PUM2: variants seen among roughly 807,000 people sequenced by gnomAD.
PUM2 encodes the protein pumilio homolog 2.
A neutral mutation model predicts 124.5 loss-of-function variants in PUM2; 57 were observed. That is an observed-to-expected ratio of 0.46 (90% CI 0.37 to 0.57). The LOEUF (loss-of-function observed/expected upper bound fraction) is 0.57. Ranked by LOEUF, PUM2 falls within the 20% of genes least tolerant of loss-of-function variation. The probability of loss-of-function intolerance (pLI) is 0.00; values close to 1 mark genes in which losing one functional copy is unlikely to be tolerated. For missense variants in PUM2, 1,065 were observed against 1,290.6 expected, an observed-to-expected ratio of 0.83 and a Z score of 2.68; for synonymous variants, 460 against 446.1, an observed-to-expected ratio of 1.03 and a Z score of -0.39.
intron 7 of PUM2, 83 bp downstream of exon 7, chr2:20,307,895 C>T (rs1678714504): frequency 6.6e-7 from 1 of 1,516,854 alleles, no homozygotes; most frequent in Non-Finnish European, 8.9e-7. Flanking sequence ...GTAACAAAAC[C>T]TCACCAATCA....
chr2:20,310,526 A>G lies in PUM2; in HGVS notation c.518+968T>C, dbSNP rs549730595. Among the ~76,000 whole-genome samples, 7 of 152,186 alleles carry G rather than the reference A, an allele frequency of 4.6e-5. No individual in the cohort carries two copies. In the South Asian group the frequency reaches 1.2e-3, roughly 27 times the overall value. On this transcript the variant is annotated intron_variant, in intron 5 of 20. Coordinates refer to ENST00000361078, the MANE Select transcript of PUM2 (RefSeq NM_015317.5). ...AAACTTAGATTAGGTAATAGTGAAG[A>G]ACAAACTCGAAATAAATTTCTAAAT... is the stretch of plus-strand genomic sequence containing the variant.
chr2:20,301,145 G>T (rs1676877027), intron 7 of PUM2, among the ~76,000 whole-genome samples: 1 of 152,114 alleles, frequency 6.6e-6, no homozygotes, highest in African/African-American at 2.4e-5. Context: ...ACTAAATTGT[G>T]CCCCAACCAC....
intron 7 of PUM2, among the ~76,000 whole-genome samples, chr2:20,306,635 GTC>G (rs1348953705): frequency 1.4e-5 from 2 of 144,360 alleles, no homozygotes; most frequent in South Asian, 2.2e-4. Flanking sequence ...CTTGAGCGGA[GTC>G]TCTCTCTGTC....
chr2:20,343,568 C>A (rs966630056), intron 1 of PUM2, among the ~76,000 whole-genome samples: 2 of 151,982 alleles, frequency 1.3e-5, no homozygotes, highest in Non-Finnish European at 2.9e-5. Context: ...GAAATCATAC[C>A]AAACCCTTGG....
At chr2:20,254,287 C>T (rs1664229553) in intron 19 of PUM2, among the ~76,000 whole-genome samples, 1 of 152,032 alleles carries the variant, frequency 6.6e-6, no homozygotes. Flanking sequence ...CAGCCTCCCC[C>T]ATAGCTGAGA....
At chr2:20,343,626 G>A (rs145932262) in intron 1 of PUM2, among the ~76,000 whole-genome samples, 1 of 152,230 alleles carries the variant, frequency 6.6e-6, no homozygotes, top group East Asian at 1.9e-4. Flanking sequence ...TTTCTGTTGG[G>A]CATGGTGGCT....
At chr2:20,295,932 G>A (rs1675421292) in intron 8 of PUM2, among the ~76,000 whole-genome samples, 1 of 152,112 alleles carries the variant, frequency 6.6e-6, no homozygotes, top group East Asian at 1.9e-4. Flanking sequence ...GAAAACTTAA[G>A]TCCAAAATAC....
intron 12 of PUM2, among the ~76,000 whole-genome samples, chr2:20,280,148 A>T (rs899778654): frequency 6.6e-6 from 1 of 152,102 alleles, no homozygotes; most frequent in African/African-American, 2.4e-5. Context: ...GGAAAACTTA[A>T]TTACGTTGGT....
In PUM2 at chr2:20,283,466, T is replaced by G; in HGVS notation, c.1312A>C (p.Thr438Pro). The change falls in exon 11 of 21, where the codon ACT (threonine) becomes CCT (proline). Residue 438 changes from threonine (T) to proline (P), a missense_variant. By Grantham distance (38) the Thr-to-Pro change is conservative. Transcript: ENST00000361078. Reference protein sequence around the residue: ...GMPGYQVLAPTAYYDQTGALV... With the variant: ...GMPGYQVLAPPAYYDQTGALV... ...GCACCAGTCTGATCATAATAGGCAG[T>G]TGGAGCTAGTACTTGATAGCCTAAA... 6.2e-7 allele frequency: 1 copy of G among 1,613,542 alleles called. No homozygotes were observed. The highest frequency in any genetic ancestry group is 8.5e-7 in the Non-Finnish European group (1 of 1,179,732).
chr2:20,296,494 CAAA>C (rs201882701), intron 8 of PUM2, among the ~76,000 whole-genome samples: 2 of 129,388 alleles, frequency 1.5e-5, no homozygotes, highest in African/African-American at 2.9e-5. Flanking sequence ...GACTCTGTCT[CAAA>C]AAAAAAAAAA....
In PUM2 at chr2:20,315,803, A is replaced by T. The variant is rs190273979; in HGVS notation, c.160+2734T>A. Among the ~76,000 whole-genome samples, 4 of 151,232 alleles carry T rather than the reference A, an allele frequency of 2.6e-5. No individual in the cohort carries two copies. The East Asian group carries it at 7.8e-4, about 29-fold the overall frequency. On this transcript the variant is annotated intron_variant, in intron 3 of 20. Coordinates refer to ENST00000361078, the MANE Select transcript of PUM2 (RefSeq NM_015317.5). ...TGGTGAAACCCCATCTCTACCAAAA[A>T]TACAAAAATTAGCCAGTCTTATAAC...
At chr2:20,279,594 A>G (rs1017878061) in intron 12 of PUM2, among the ~76,000 whole-genome samples, 3 of 152,246 alleles carry the variant, frequency 2.0e-5, no homozygotes, top group Middle Eastern at 3.4e-3. Context: ...ATAATACACA[A>G]TTTCTCTTAC....
intron 1 of PUM2, 45 bp downstream of exon 1, chr2:20,350,552 A>G (rs912640219): frequency 6.7e-5 from 66 of 985,422 alleles, no homozygotes; most frequent in Non-Finnish European, 7.8e-5. Flanking sequence ...GCCATCCTCG[A>G]CGGCGCCAAA....
At chr2:20,296,476 CAG>C (rs1253968983) in intron 8 of PUM2, among the ~76,000 whole-genome samples, 4 of 147,496 alleles carry the variant, frequency 2.7e-5, no homozygotes, top group Admixed American at 1.4e-4. Context: ...GCCTGGGCAA[CAG>C]AGCGAGACTC....
intron 1 of PUM2, among the ~76,000 whole-genome samples, chr2:20,345,397 A>G (rs1419332020): frequency 6.6e-6 from 1 of 152,148 alleles, no homozygotes; most frequent in Non-Finnish European, 1.5e-5. Context: ...GGCATGGGCC[A>G]CGTGCCCACA....
intron 1 of PUM2, among the ~76,000 whole-genome samples, chr2:20,334,638 CTAAG>C (rs1408754451): frequency 1.3e-5 from 2 of 152,136 alleles, no homozygotes; most frequent in African/African-American, 4.8e-5. Flanking sequence ...TGGATAGTGA[CTAAG>C]TATTTACATA....
chr2:20,331,736 G>A (rs1456291148), intron 1 of PUM2: 4 of 152,090 alleles, frequency 2.6e-5, no homozygotes, highest in African/African-American at 4.8e-5. Flanking sequence ...TTACTTTCAG[G>A]TTTTTATCAG....
intron 2 of PUM2, among the ~76,000 whole-genome samples, chr2:20,324,589 C>T (rs10179429): frequency 0.035 from 5,314 of 152,232 alleles, 93 homozygotes; most frequent in Middle Eastern, 0.068. Context: ...CTTAACACTA[C>T]ACTAATAAAG....
At chr2:20,292,989 A>G (rs911899089) in intron 9 of PUM2, among the ~76,000 whole-genome samples, 1 of 152,226 alleles carries the variant, frequency 6.6e-6, no homozygotes, top group East Asian at 1.9e-4. Context: ...ATACGGAAAG[A>G]TTCGGCAAAT....
Sources: allele counts gnomAD v4.1 joint callset (sites outside exome capture counted in the v4.1 genomes callset), GRCh38; gene constraint gnomAD v4.1.1; transcripts MANE v1.5; gene names NCBI Gene and HGNC (gene_info 2026-07-23, HGNC 2026-07-21).